The following MAL variants were observed in gnomAD, a reference collection of about 807,000 sequenced individuals.
MAL encodes myelin and lymphocyte protein.
In MAL, 5 loss-of-function variants were observed where a neutral mutation model predicts 16.7. That is an observed-to-expected ratio of 0.30 (90% CI 0.16 to 0.63). The LOEUF is 0.63. Ranked by LOEUF, MAL falls within the 30% of genes least tolerant of loss-of-function variation. The pLI, the probability that MAL is intolerant of heterozygous loss-of-function variation, is 0.82. For missense variants in MAL, 202 were observed against 195.8 expected, an observed-to-expected ratio of 1.03 and a Z score of -0.19; for synonymous variants, 96 against 85.5, an observed-to-expected ratio of 1.12 and a Z score of -0.67.
intron 1 of MAL, among the ~76,000 whole-genome samples, chr2:95,044,054 G>A (rs1301393815): frequency 6.6e-6 from 1 of 152,208 alleles, no homozygotes; most frequent in South Asian, 2.1e-4. Context: ...GAATGGTGGG[G>A]TCCAAAAGGG....
rs1674761853 is a variant in MAL, at chr2:95,053,385, TCTC to T, written c.395_397del (p.Ser132del). The T allele has an allele frequency of 6.2e-7, 1 of 1,611,444 alleles. No individual in the cohort carries two copies. Among genetic ancestry groups the T allele is most frequent in the South Asian group, 1.1e-5 (1 of 91,010 alleles). ...GGCCATTTCTCTTGGTTCCAGGTGT[TCTC>T]CTACATAGCCACTCTGCTCTACGTG... is the stretch of plus-strand genomic sequence containing the variant. On this transcript the variant is annotated inframe_deletion, in exon 4 of 4. Coordinates refer to ENST00000309988, the MANE Select transcript of MAL (RefSeq NM_002371.4).
At chr2:95,038,764 GTGAC>G (rs776796870) in intron 1 of MAL, among the ~76,000 whole-genome samples, 5 of 151,558 alleles carry the variant, frequency 3.3e-5, no homozygotes, top group Non-Finnish European at 5.9e-5. Flanking sequence ...GACTGAGTGA[GTGAC>G]TGAGTGAGTG....
chr2:95,039,906 C>T (rs1674402864), intron 1 of MAL, among the ~76,000 whole-genome samples: 1 of 152,278 alleles, frequency 6.6e-6, no homozygotes, highest in East Asian at 1.9e-4. Context: ...CCTATCCTCC[C>T]TCTCAGATGC....
At chr2:95,035,667 A>ATTT (rs747522452) in intron 1 of MAL, among the ~76,000 whole-genome samples, 2 of 130,978 alleles carry the variant, frequency 1.5e-5, no homozygotes, top group Non-Finnish European at 1.6e-5. Flanking sequence ...CAGCTCTTAG[A>ATTT]TTTTTTTTTT....
Position 95,028,044 on chromosome 2 carries a change from C to T in MAL, c.93+2159C>T, listed in dbSNP as rs754288293. On this transcript the variant is annotated intron_variant, in intron 1 of 3. Transcript: ENST00000309988. ...CAATGAGGCCAGTTGCGGTGACTCA[C>T]GCCTGTAATCCCAGCACTTTGGGAG... 7.9e-5 allele frequency among the ~76,000 whole-genome samples: 12 copies of T among 151,764 alleles called. No homozygotes were observed. The South Asian group carries it at 8.3e-4, about 11-fold the overall frequency.
chr2:95,048,686 G>GT (rs1674645352), intron 2 of MAL, among the ~76,000 whole-genome samples: 2 of 152,246 alleles, frequency 1.3e-5, no homozygotes, highest in Non-Finnish European at 2.9e-5. Context: ...ACACTTGCCT[G>GT]TTACCTGCTG....
At chr2:95,043,458 T>C (rs895717955) in intron 1 of MAL, among the ~76,000 whole-genome samples, 8 of 152,222 alleles carry the variant, frequency 5.3e-5, no homozygotes, top group Non-Finnish European at 1.0e-4. Context: ...GAGAGGAAGC[T>C]GGGGCCAAGA....
intron 1 of MAL, among the ~76,000 whole-genome samples, chr2:95,037,069 C>A (rs1218453152): frequency 1.5e-5 from 1 of 67,878 alleles, no homozygotes; most frequent in Non-Finnish European, 3.1e-5. Flanking sequence ...GGGTGAGTGA[C>A]TGAGTGGGTG....
intron 1 of MAL, among the ~76,000 whole-genome samples, chr2:95,038,528 CTGAGTGAGTGACTGAGTGACTGAGTGAG>C (rs1674322962): frequency 1.6e-5 from 1 of 61,698 alleles, no homozygotes; most frequent in Non-Finnish European, 3.5e-5. Flanking sequence ...GAGTGAGTGA[CTGAGTGAGTGACTGAGTGACTGAGTGAG>C]TGAGTGAGTG....
At chr2:95,045,722 ATCC>A (rs1192850865) in intron 1 of MAL, among the ~76,000 whole-genome samples, 7 of 152,068 alleles carry the variant, frequency 4.6e-5, no homozygotes, top group African/African-American at 1.7e-4. Flanking sequence ...TGCCCGCTGG[ATCC>A]TCCTCCTATT....
At chr2:95,046,116 A>G (rs566413148) in intron 1 of MAL, among the ~76,000 whole-genome samples, 1 of 152,164 alleles carries the variant, frequency 6.6e-6, no homozygotes, top group Non-Finnish European at 1.5e-5. Flanking sequence ...TTCTCTCCTG[A>G]TTGCTTCTCA....
chr2:95,031,467 C>T (rs371885111), intron 1 of MAL, among the ~76,000 whole-genome samples: 2 of 152,236 alleles, frequency 1.3e-5, no homozygotes, highest in East Asian at 1.9e-4. Context: ...ACACCCTCCA[C>T]TGACTGGCTG....
At chr2:95,047,791 T>TG (rs1427215521) in intron 1 of MAL, among the ~76,000 whole-genome samples, 168 bp from the exon 2 acceptor site, 2 of 152,124 alleles carry the variant, frequency 1.3e-5, no homozygotes, top group Admixed American at 6.5e-5. Flanking sequence ...CACAGGGCCC[T>TG]GGGGGGACTA....
At chr2:95,052,347 A>T (rs958725231) in intron 3 of MAL, among the ~76,000 whole-genome samples, 2 of 152,042 alleles carry the variant, frequency 1.3e-5, no homozygotes, top group Non-Finnish European at 2.9e-5. Flanking sequence ...AAAGGCTTTC[A>T]TTGGTCTGGA....
At chr2:95,031,034 A>G (rs796189258) in intron 1 of MAL, among the ~76,000 whole-genome samples, 36 of 152,252 alleles carry the variant, frequency 2.4e-4, no homozygotes, top group African/African-American at 8.2e-4. Flanking sequence ...CTGTGGCTGC[A>G]CTGAGAAGGT....
chr2:95,027,103 A>G (rs1354092286), intron 1 of MAL, among the ~76,000 whole-genome samples: 3 of 152,096 alleles, frequency 2.0e-5, no homozygotes, highest in African/African-American at 7.2e-5. Context: ...TTACATTTAG[A>G]AGAAACCCTG....
intron 1 of MAL, among the ~76,000 whole-genome samples, chr2:95,038,467 G>A (rs1180926168): frequency 0.016 from 834 of 50,810 alleles, no homozygotes; most frequent in Middle Eastern, 0.081. Context: ...TGACTGAGTG[G>A]GTGAGTGAGT....
intron 1 of MAL, among the ~76,000 whole-genome samples, chr2:95,043,963 G>T (rs1286105983): frequency 6.6e-6 from 1 of 152,222 alleles, no homozygotes; most frequent in East Asian, 1.9e-4. Flanking sequence ...TGGTGTAAGA[G>T]CGTCCCTAGG....
chr2:95,029,180 G>A (rs1674019193), intron 1 of MAL, among the ~76,000 whole-genome samples: 1 of 152,156 alleles, frequency 6.6e-6, no homozygotes, highest in Admixed American at 6.5e-5. Context: ...TGCCTTGTTT[G>A]CTGTTATGTA....
Sources: allele counts gnomAD v4.1 joint callset (sites outside exome capture counted in the v4.1 genomes callset), GRCh38; gene constraint gnomAD v4.1.1; transcripts MANE v1.5; gene names NCBI Gene and HGNC (gene_info 2026-07-23, HGNC 2026-07-21).